The following RBFOX1 variants were observed in gnomAD, a reference collection of about 807,000 sequenced individuals.
RBFOX1 encodes RNA binding protein fox-1 homolog 1.
In RBFOX1, 8 loss-of-function variants were observed where a neutral mutation model predicts 57.7. The ratio of observed to expected loss-of-function variants is 0.14; its 90% CI spans 0.08 to 0.25. RBFOX1 has a LOEUF of 0.25. Among genes scored for constraint, RBFOX1 ranks in the 10% least tolerant of loss-of-function variants. The pLI, the probability that RBFOX1 is intolerant of heterozygous loss-of-function variation, is 1.00. For missense variants in RBFOX1, 611 were observed against 548.5 expected, an observed-to-expected ratio of 1.11 and a Z score of -1.14; for synonymous variants, 326 against 222.4, an observed-to-expected ratio of 1.47 and a Z score of -4.15.
In RBFOX1 at chr16:7,670,857, G is replaced by C. The variant is rs531609734; in HGVS notation, c.930+5889G>C. Among the ~76,000 whole-genome samples the C allele has an allele frequency of 5.3e-5, 8 of 152,240 alleles. No homozygotes were observed. In the South Asian group the frequency reaches 1.7e-3, roughly 32 times the overall value. ...AATCTTGACCATGAATGACTCTTATGTCAAAAAACTGCATCCTAGTCCGCA... is the reference window on the plus strand; with the variant it reads ...AATCTTGACCATGAATGACTCTTATCTCAAAAAACTGCATCCTAGTCCGCA... On this transcript the variant is annotated intron_variant, in intron 13 of 15. Transcript: ENST00000550418.
chr16:6,483,078 G>T (rs1191789639), intron 2 of RBFOX1: 2 of 953,934 alleles, frequency 2.1e-6, no homozygotes, highest in Non-Finnish European at 2.5e-6. Context: ...CTTTGCAAGT[G>T]CCTCCGACCC....
rs869240597 is a variant in RBFOX1, at chr16:5,651,040, C to CTTTTTTTTTTTT, written c.318+52098_318+52109dup. 4.4e-3 allele frequency among the ~76,000 whole-genome samples: 250 copies of CTTTTTTTTTTTT among 56,898 alleles called. 73 individuals are homozygous for CTTTTTTTTTTTT. The highest frequency in any genetic ancestry group is 0.038 in the Middle Eastern group (2 of 52). The allele number at this position is 56,898 out of a possible 152,430, so 37.3% of individuals were successfully genotyped here. ...TCCTCTGGGAGAACACTACCTCCTTCTTTTTTTTTTTTTTTTTTTTTTTTT... is the reference window on the plus strand; with the variant it reads ...TCCTCTGGGAGAACACTACCTCCTTCTTTTTTTTTTTTTTTTTTTTTTTTTTTTTTTTTTTTT... On this transcript the variant is annotated intron_variant, in intron 3 of 19. Coordinates refer to the RBFOX1 transcript ENST00000641259.
intron 1 of RBFOX1, among the ~76,000 whole-genome samples, chr16:6,276,130 C>T (rs1460158875): frequency 6.6e-6 from 1 of 152,012 alleles, no homozygotes; most frequent in South Asian, 2.1e-4. Flanking sequence ...AAATAAATAC[C>T]TTTTTCTTTT....
rs559379682 is a variant in RBFOX1, at chr16:5,913,717, C to G, written c.351+46382C>G. The stretch of plus-strand genomic sequence containing the variant: ...ACAGGTGTATCACCAGATCCTTGCT[C>G]AAGAAGAATGATATTCCAAACATTC... On this transcript the variant is annotated intron_variant, in intron 4 of 19. Transcript: ENST00000641259. 2.0e-5 allele frequency among the ~76,000 whole-genome samples: 3 copies of G among 152,310 alleles called. No individual in the cohort carries two copies. The South Asian group carries it at 6.2e-4, about 32-fold the overall frequency.
chr16:6,498,329 T>C (rs1256712183), intron 2 of RBFOX1, among the ~76,000 whole-genome samples: 2 of 151,990 alleles, frequency 1.3e-5, no homozygotes, highest in Non-Finnish European at 2.9e-5. Context: ...TAGTAGAATT[T>C]AGAGAGACTT....
At chr16:7,671,879 T>C (rs1481291904) in intron 13 of RBFOX1, among the ~76,000 whole-genome samples, 2 of 152,232 alleles carry the variant, frequency 1.3e-5, no homozygotes, top group African/African-American at 4.8e-5. Flanking sequence ...ATGAGCTTTG[T>C]TAGATCCTGA....
chr16:7,055,732 C>T (rs192149132), intron 4 of RBFOX1, among the ~76,000 whole-genome samples: 17 of 152,168 alleles, frequency 1.1e-4, no homozygotes, highest in Non-Finnish European at 2.1e-4. Flanking sequence ...TTGTTACCTG[C>T]ACAAAAGTAG....
intron 4 of RBFOX1, among the ~76,000 whole-genome samples, chr16:7,220,463 G>A (rs935103594): frequency 1.3e-5 from 2 of 152,176 alleles, no homozygotes; most frequent in Middle Eastern, 3.2e-3. Context: ...ACAGTGTGTT[G>A]ACACCAACAT....
intron 1 of RBFOX1, among the ~76,000 whole-genome samples, chr16:6,246,866 T>C (rs1276009838): frequency 6.6e-6 from 1 of 152,120 alleles, no homozygotes; most frequent in Non-Finnish European, 1.5e-5. Flanking sequence ...GTCAGGAGTT[T>C]GAGACCAGCC....
At chr16:6,751,241 A>G (rs753864979) in intron 3 of RBFOX1, among the ~76,000 whole-genome samples, 40 of 152,106 alleles carry the variant, frequency 2.6e-4, no homozygotes, top group Non-Finnish European at 4.3e-4. Flanking sequence ...TTATTAGGAG[A>G]TTGTTTTTAT....
In RBFOX1 at chr16:7,710,632, G is replaced by A. The variant is rs1285887607; in HGVS notation, c.1081G>A (p.Ala361Thr). ...TYGVGAMNAF[A>T]PLTDAKTRSH... The stretch of plus-strand genomic sequence containing the variant: ...AATTGCTTTGTTTCAGAATGCTTTT[G>A]CACCTTTGACTGATGCCAAGACTAG... Residue 361 changes from alanine (A) to threonine (T), a missense_variant, in exon 16 of 16, where the codon GCA becomes ACA. Ala to Thr is a moderately conservative substitution (Grantham distance 58). Coordinates refer to ENST00000550418, the MANE Select transcript of RBFOX1 (RefSeq NM_018723.4). 1 of 1,611,384 alleles carries A rather than the reference G, an allele frequency of 6.2e-7. No homozygotes were observed. Among genetic ancestry groups the A allele is most frequent in the South Asian group, 1.1e-5 (1 of 90,510 alleles).
chr16:6,328,398 A>G (rs78281701), intron 2 of RBFOX1, among the ~76,000 whole-genome samples: 1 of 152,078 alleles, frequency 6.6e-6, no homozygotes, highest in African/African-American at 2.4e-5. Context: ...TCATATAACA[A>G]AATGCCACCT....
At chr16:6,623,454 T>TA (rs1384243592) in intron 2 of RBFOX1, among the ~76,000 whole-genome samples, 3 of 150,986 alleles carry the variant, frequency 2.0e-5, no homozygotes, top group South Asian at 2.1e-4. Flanking sequence ...TTTTTTTTTT[T>TA]TTATTATACT....
intron 4 of RBFOX1, among the ~76,000 whole-genome samples, chr16:7,273,202 C>CTTCCTTCCT (rs1424411491): frequency 1.0e-5 from 1 of 98,246 alleles, no homozygotes; most frequent in Non-Finnish European, 2.0e-5. Flanking sequence ...TCCTTCCTCC[C>CTTCCTTCCT]TCCCTTCCTT....
intron 4 of RBFOX1, among the ~76,000 whole-genome samples, chr16:7,509,737 C>T (rs76548166): frequency 7.3e-6 from 1 of 137,128 alleles, no homozygotes. Flanking sequence ...ATTGCTATCT[C>T]TCTATCTCTT....
At chr16:7,682,056 A>G (rs1468134493) in intron 14 of RBFOX1, among the ~76,000 whole-genome samples, 1 of 152,176 alleles carries the variant, frequency 6.6e-6, no homozygotes, top group Non-Finnish European at 1.5e-5. Flanking sequence ...CAACCATGTA[A>G]TATGGTTGTC....
chr16:5,629,888 A>G (rs989259331), intron 3 of RBFOX1, among the ~76,000 whole-genome samples: 1 of 152,144 alleles, frequency 6.6e-6, no homozygotes, highest in African/African-American at 2.4e-5. Context: ...GTAGGAAAGT[A>G]CCCATCTTAG....
chr16:6,359,526 C>T (rs1452328056), intron 2 of RBFOX1, among the ~76,000 whole-genome samples: 1 of 152,138 alleles, frequency 6.6e-6, no homozygotes, highest in Non-Finnish European at 1.5e-5. Context: ...GACACTCTTC[C>T]CAAAATGTTA....
chr16:6,029,965 G>C (rs2095265276), intron 1 of RBFOX1, among the ~76,000 whole-genome samples: 1 of 152,080 alleles, frequency 6.6e-6, no homozygotes, highest in Non-Finnish European at 1.5e-5. Flanking sequence ...CCAGGCTGGA[G>C]TGCAGTGATG....
Sources: allele counts gnomAD v4.1 joint callset (sites outside exome capture counted in the v4.1 genomes callset), GRCh38; gene constraint gnomAD v4.1.1; transcripts MANE v1.5; gene names NCBI Gene and HGNC (gene_info 2026-07-23, HGNC 2026-07-21).